The following CLINT1 variants were observed in gnomAD, a reference collection of about 807,000 sequenced individuals.
CLINT1 encodes clathrin interacting protein localized in the trans-Golgi region.
A neutral mutation model predicts 70.4 loss-of-function variants in CLINT1; 15 were observed. That is an observed-to-expected ratio of 0.21 (90% CI 0.14 to 0.33). CLINT1 has a LOEUF of 0.33. Among genes scored for constraint, CLINT1 ranks in the 10% least tolerant of loss-of-function variants. The pLI is 1.00. For missense variants in CLINT1, 615 were observed against 778.1 expected (o/e 0.79, Z 2.49); for synonymous variants, 227 against 254.7 (o/e 0.89, Z 1.04).
chr5:157,849,905 A>T (rs1753512373), intron 1 of CLINT1, among the ~76,000 whole-genome samples: 1 of 152,268 alleles, frequency 6.6e-6, no homozygotes, highest in African/African-American at 2.4e-5. Context: ...TCTAAGAGTT[A>T]GTAATACAGC....
chr5:157,808,861 CTT>C (rs2113188802), intron 6 of CLINT1, among the ~76,000 whole-genome samples: 1 of 151,972 alleles, frequency 6.6e-6, no homozygotes, highest in Non-Finnish European at 1.5e-5. Flanking sequence ...TTTAATTAAA[CTT>C]AATATATAAA....
At chr5:157,796,097 T>C (rs1057231120) in intron 8 of CLINT1, 4 of 152,122 alleles carry the variant, frequency 2.6e-5, no homozygotes, top group African/African-American at 2.4e-5. Flanking sequence ...ATCAATACAA[T>C]AGTTTTGGTG....
At position 157,805,851 on chromosome 5, in the gene CLINT1, T is replaced by C; in HGVS notation, c.942+15A>G. On this transcript the variant is annotated intron_variant, in intron 7 of 11. Transcript: ENST00000411809. ...ATAAAACCATGTATAATGTGTAAAC[T>C]ACTGCCATTCCCACCTTAACTGAAG... 1 of 1,613,902 alleles carries C rather than the reference T, an allele frequency of 6.2e-7. No individual in the cohort carries two copies. The highest frequency in any genetic ancestry group is 8.5e-7 in the Non-Finnish European group (1 of 1,179,820).
intron 1 of CLINT1, among the ~76,000 whole-genome samples, chr5:157,818,124 C>A (rs1050715533): frequency 7.9e-5 from 12 of 152,072 alleles, no homozygotes; most frequent in South Asian, 6.2e-4. Flanking sequence ...TTCACTGTAA[C>A]CCTCACTTTT....
At chr5:157,830,752 CTCTCCCTCTCTCTCTCT>C (rs1763200545) in intron 1 of CLINT1, among the ~76,000 whole-genome samples, 1 of 111,120 alleles carries the variant, frequency 9.0e-6, no homozygotes, top group African/African-American at 3.7e-5. Context: ...CCCTCCCTCT[CTCTCCCTCTCTCTCTCT>C]CTCTCTCTCT....
intron 1 of CLINT1, among the ~76,000 whole-genome samples, chr5:157,857,491 G>A (rs1011148573): frequency 1.1e-4 from 17 of 152,158 alleles, no homozygotes; most frequent in Admixed American, 9.2e-4. Flanking sequence ...CAAACTTGAA[G>A]CTTCTTTCTT....
chr5:157,793,873 T>A (rs556139031), intron 9 of CLINT1, among the ~76,000 whole-genome samples: 2 of 152,296 alleles, frequency 1.3e-5, no homozygotes, highest in African/African-American at 4.8e-5. Flanking sequence ...TAAATTTTAA[T>A]CCAGTTTAAT....
chr5:157,822,420 G>A (rs901610034), intron 1 of CLINT1, among the ~76,000 whole-genome samples: 3 of 152,092 alleles, frequency 2.0e-5, no homozygotes, highest in Non-Finnish European at 4.4e-5. Flanking sequence ...TGTAAAAAGT[G>A]CCTTTCACCT....
chr5:157,857,362 A>ATCTTCGGT (rs1468387926), intron 1 of CLINT1, among the ~76,000 whole-genome samples: 1 of 152,194 alleles, frequency 6.6e-6, no homozygotes, highest in African/African-American at 2.4e-5. Context: ...AGTTTATTTC[A>ATCTTCGGT]TCTTCGGTAA....
At chr5:157,825,490 T>C (rs1329269147) in intron 1 of CLINT1, among the ~76,000 whole-genome samples, 1 of 152,172 alleles carries the variant, frequency 6.6e-6, no homozygotes, top group Non-Finnish European at 1.5e-5. Context: ...CATAATACTT[T>C]TTAAATCTAT....
intron 1 of CLINT1, among the ~76,000 whole-genome samples, chr5:157,845,834 G>A (rs1255525123): frequency 1.1e-4 from 17 of 152,162 alleles, no homozygotes; most frequent in African/African-American, 2.7e-4. Context: ...GATTACAGGC[G>A]TAAGCCACCA....
chr5:157,815,333 A>C (rs1011616930), intron 3 of CLINT1, among the ~76,000 whole-genome samples: 5 of 152,004 alleles, frequency 3.3e-5, no homozygotes, highest in African/African-American at 1.2e-4. Context: ...CCCACCCCCA[A>C]ACTAAATTTT....
At chr5:157,836,996 A>G (rs1389218051) in intron 1 of CLINT1, among the ~76,000 whole-genome samples, 1 of 152,224 alleles carries the variant, frequency 6.6e-6, no homozygotes, top group African/African-American at 2.4e-5. Flanking sequence ...ATTATATTAA[A>G]AAGCCAGGTT....
In CLINT1 at chr5:157,859,104, C is replaced by T. The variant is rs1753862109; in HGVS notation, c.-134G>A. The T allele has an allele frequency of 4.4e-6, 4 of 917,556 alleles. No individual in the cohort carries two copies. Among genetic ancestry groups the T allele is most frequent in the East Asian group, 6.4e-5 (2 of 31,342 alleles). 56.8% of individuals were successfully genotyped at this position (917,556 alleles called of 1,614,324 possible). On this transcript the variant is annotated 5_prime_UTR_variant, in exon 1 of 12. Transcript: ENST00000411809. Reference sequence around the variant, plus strand: ...TCGAACTCCCCCAGTCAGCTCCTTCCTTTGCCACAGCAGCGGCGCCGCCGG... The same window carrying T: ...TCGAACTCCCCCAGTCAGCTCCTTCTTTTGCCACAGCAGCGGCGCCGCCGG...
At chr5:157,837,411 T>TACACAC (rs112077491) in intron 1 of CLINT1, among the ~76,000 whole-genome samples, 115 of 147,762 alleles carry the variant, frequency 7.8e-4, no homozygotes, top group African/African-American at 2.3e-3. Flanking sequence ...TATATGTAAA[T>TACACAC]ACACACACAC....
At chr5:157,790,632 A>T (rs1443768955) in intron 10 of CLINT1, 1 of 426,342 alleles carries the variant, frequency 2.3e-6, no homozygotes, top group Non-Finnish European at 4.7e-6. Context: ...CCTTCATCCT[A>T]ATACCCCAAA....
chr5:157,834,603 A>C (rs1265992171), intron 1 of CLINT1, among the ~76,000 whole-genome samples: 2 of 152,114 alleles, frequency 1.3e-5, no homozygotes, highest in African/African-American at 2.4e-5. Context: ...ACACTGCTTT[A>C]CTAGCTGATT....
Position 157,827,860 on chromosome 5 carries a change from C to A in CLINT1, c.42-10313G>T, listed in dbSNP as rs560201996. On this transcript the variant is annotated intron_variant, in intron 1 of 11. Transcript: ENST00000411809. ...TGCACACTTATGTATTTTTCATCAACTGCTTCATCTTTTATGGCTATTTTG... is the reference window on the plus strand; with the variant it reads ...TGCACACTTATGTATTTTTCATCAAATGCTTCATCTTTTATGGCTATTTTG... Among the ~76,000 whole-genome samples, 4 of 152,302 alleles carry A rather than the reference C, an allele frequency of 2.6e-5. No individual in the cohort carries two copies. The East Asian group carries it at 7.7e-4, about 29-fold the overall frequency.
At chr5:157,853,397 T>C (rs749762951) in intron 1 of CLINT1, among the ~76,000 whole-genome samples, 1 of 151,558 alleles carries the variant, frequency 6.6e-6, no homozygotes, top group Non-Finnish European at 1.5e-5. Context: ...TAGAGCCATA[T>C]TGTGAAACCT....
Sources: gnomAD v4.1 joint callset for allele counts (sites outside exome capture counted in the v4.1 genomes callset) on GRCh38, gnomAD v4.1.1 for gene constraint, MANE v1.5 for transcripts, NCBI Gene and HGNC (gene_info 2026-07-23, HGNC 2026-07-21) for gene names.